The following LRBA variants were observed in gnomAD, a reference collection of about 807,000 sequenced individuals.
LRBA encodes the protein LPS responsive beige-like anchor protein, also known as lipopolysaccharide-responsive and beige-like anchor protein.
LRBA carries 176 observed loss-of-function variants against 330.0 expected under a neutral mutation model. The ratio of observed to expected loss-of-function variants is 0.53; its 90% CI spans 0.47 to 0.60. LRBA has a LOEUF of 0.60. Among genes scored for constraint, LRBA ranks in the 20% least tolerant of loss-of-function variants. The pLI is 0.00. For missense variants in LRBA, 3,259 were observed against 3,444.8 expected, an observed-to-expected ratio of 0.95 and a Z score of 1.35; for synonymous variants, 1,230 against 1,193.0, an observed-to-expected ratio of 1.03 and a Z score of -0.64.
At chr4:150,622,846 C>A (rs917058818) in intron 37 of LRBA, among the ~76,000 whole-genome samples, 8 of 151,946 alleles carry the variant, frequency 5.3e-5, no homozygotes, top group Non-Finnish European at 8.8e-5. Flanking sequence ...TACAGGCGCC[C>A]GCCACCGCGC....
intron 47 of LRBA, among the ~76,000 whole-genome samples, chr4:150,364,399 T>A (rs1739142671): frequency 1.3e-5 from 2 of 152,252 alleles, no homozygotes; most frequent in Non-Finnish European, 2.9e-5. Flanking sequence ...AAGCTAAGAA[T>A]GCTTAAGCAA....
intron 30 of LRBA, among the ~76,000 whole-genome samples, chr4:150,821,672 T>C (rs995808913): frequency 2.0e-5 from 3 of 151,996 alleles, no homozygotes; most frequent in African/African-American, 7.2e-5. Flanking sequence ...AATAGTTCAC[T>C]AAAGGAAAAA....
At position 150,908,678 on chromosome 4, in the gene LRBA, T is replaced by C. The variant is rs1388957921; in HGVS notation, c.1341A>G (p.Pro447=). The C allele has an allele frequency of 3.1e-6, 5 of 1,613,510 alleles. No individual in the cohort carries two copies. The South Asian group carries it at 5.5e-5, about 18-fold the overall frequency. ...KDNPSIFVHS[P]HALMLQDVKA... The stretch of plus-strand genomic sequence containing the variant: ...TTAGTACCTGGAGCATGAGTGCATG[T>C]GGTGAATGAACAAAAATTGAAGGGT... The change falls in exon 10 of 57, where the codon CCA becomes CCG. Residue 447 remains proline, a synonymous_variant. Coordinates refer to ENST00000651943, the MANE Select transcript of LRBA (RefSeq NM_001364905.1).
At chr4:150,986,191 G>A (rs1741446248) in intron 2 of LRBA, among the ~76,000 whole-genome samples, 1 of 152,098 alleles carries the variant, frequency 6.6e-6, no homozygotes, top group East Asian at 1.9e-4. Flanking sequence ...AACCTTTATG[G>A]CACTAGGGAC....
At chr4:150,873,016 G>T (rs1261038521) in intron 17 of LRBA, among the ~76,000 whole-genome samples, 2 of 152,136 alleles carry the variant, frequency 1.3e-5, no homozygotes, top group African/African-American at 4.8e-5. Flanking sequence ...TGTGTATCAA[G>T]CTAGCTTTCA....
At chr4:150,365,791 C>T (rs13127557) in intron 47 of LRBA, among the ~76,000 whole-genome samples, 1 of 91,686 alleles carries the variant, frequency 1.1e-5, no homozygotes, top group Non-Finnish European at 2.2e-5. Flanking sequence ...AACTCTGTCT[C>T]AAAAAAAAAA....
At chr4:150,481,145 T>C (rs934936590) in intron 42 of LRBA, among the ~76,000 whole-genome samples, 1 of 152,186 alleles carries the variant, frequency 6.6e-6, no homozygotes, top group Non-Finnish European at 1.5e-5. Flanking sequence ...TGCAGTTCCA[T>C]CCATGCTGCC....
intron 37 of LRBA, among the ~76,000 whole-genome samples, chr4:150,619,639 A>G (rs958898110): frequency 6.6e-6 from 1 of 152,204 alleles, no homozygotes; most frequent in Non-Finnish European, 1.5e-5. Context: ...TCCTAAGATT[A>G]TAAGTAGGCT....
At chr4:150,559,845 TA>T (rs1310889691) in intron 40 of LRBA, among the ~76,000 whole-genome samples, 2 of 27,622 alleles carry the variant, frequency 7.2e-5, no homozygotes, top group Non-Finnish European at 1.5e-4. Flanking sequence ...ATAATATATA[TA>T]ATAATATATA....
At chr4:150,743,959 C>T (rs1732353664) in intron 35 of LRBA, among the ~76,000 whole-genome samples, 1 of 152,206 alleles carries the variant, frequency 6.6e-6, no homozygotes, top group Non-Finnish European at 1.5e-5. Context: ...TTTAATTTGA[C>T]TCCAGCTCTG....
At chr4:150,590,361 C>CAAAA (rs5862927) in intron 39 of LRBA, among the ~76,000 whole-genome samples, 22 of 122,890 alleles carry the variant, frequency 1.8e-4, no homozygotes, top group African/African-American at 6.3e-4. Context: ...GCTTTATTTA[C>CAAAA]AAAAAAAAAA....
At chr4:150,379,562 G>C (rs1023333230) in intron 47 of LRBA, among the ~76,000 whole-genome samples, 6 of 152,086 alleles carry the variant, frequency 3.9e-5, no homozygotes, top group Non-Finnish European at 7.4e-5. Flanking sequence ...CCTGATCTCA[G>C]CAAAGGGTCA....
chr4:150,413,075 A>T (rs1747242051), intron 47 of LRBA, among the ~76,000 whole-genome samples: 1 of 151,000 alleles, frequency 6.6e-6, no homozygotes, highest in South Asian at 2.1e-4. Context: ...CACCAAAGAA[A>T]ATATATATAT....
Position 150,625,115 on chromosome 4 carries a change from C to A in LRBA, c.5922-25984G>T, listed in dbSNP as rs552679166. Among the ~76,000 whole-genome samples, 337 of 152,072 alleles carry A rather than the reference C, an allele frequency of 2.2e-3. 2 individuals carry two copies. The highest frequency in any genetic ancestry group is 3.1e-3 in the Non-Finnish European group (213 of 67,980). ...AGTAGGAAATAGTGGGTGAGAAGTG[C>A]TATTACTTTAGAACAATTACCAGGA... On this transcript the variant is annotated intron_variant, in intron 37 of 56. Transcript: ENST00000651943.
intron 2 of LRBA, among the ~76,000 whole-genome samples, chr4:150,955,137 T>C (rs1187184231): frequency 6.7e-6 from 1 of 148,556 alleles, no homozygotes; most frequent in Non-Finnish European, 1.5e-5. Context: ...GAGCCAGGTG[T>C]GGTGGCACAT....
At chr4:150,409,366 A>AG (rs1581228979) in intron 47 of LRBA, among the ~76,000 whole-genome samples, 1 of 152,136 alleles carries the variant, frequency 6.6e-6, no homozygotes, top group African/African-American at 2.4e-5. Context: ...CAGAAGCCCT[A>AG]GGAAACTAAT....
At chr4:150,339,452 T>G (rs902847212) in intron 48 of LRBA, among the ~76,000 whole-genome samples, 2 of 152,150 alleles carry the variant, frequency 1.3e-5, no homozygotes, top group African/African-American at 4.8e-5. Context: ...TTAACATACA[T>G]TGCTTGTTCA....
chr4:150,596,183 G>A (rs1418462221), intron 38 of LRBA, among the ~76,000 whole-genome samples: 1 of 151,750 alleles, frequency 6.6e-6, no homozygotes, highest in Non-Finnish European at 1.5e-5. Flanking sequence ...ACTTGGGAAG[G>A]GCAATTAAAT....
intron 34 of LRBA, among the ~76,000 whole-genome samples, chr4:150,765,533 CT>C (rs143253906): frequency 0.032 from 4,921 of 152,014 alleles, 217 homozygotes; most frequent in African/African-American, 0.11. Context: ...AAATCTCTAC[CT>C]TTTGATGAAT....
Sources: gnomAD v4.1 joint callset for allele counts (sites outside exome capture counted in the v4.1 genomes callset) on GRCh38, gnomAD v4.1.1 for gene constraint, MANE v1.5 for transcripts, NCBI Gene and HGNC (gene_info 2026-07-23, HGNC 2026-07-21) for gene names.